Variants in OSCP1 observed in about 807,000 individuals in gnomAD.
OSCP1 encodes protein OSCP1.
OSCP1 carries 35 observed loss-of-function variants against 45.1 expected under a neutral mutation model. The ratio of observed to expected loss-of-function variants is 0.78; its 90% confidence interval spans 0.59 to 1.03. The LOEUF (loss-of-function observed/expected upper bound fraction) is 1.03, where lower values mean the gene tolerates loss of function less well. Among genes scored for constraint, OSCP1 ranks in the 50% least tolerant of loss-of-function variants. The probability of loss-of-function intolerance (pLI) is 0.00; values close to 1 mark genes in which losing one functional copy is unlikely to be tolerated. For synonymous variants in OSCP1, 179 were observed against 180.1 expected (o/e 0.99, Z 0.05); for missense variants, 400 against 470.7 (o/e 0.85, Z 1.39).
At chr1:36,449,938 A>G (rs533362261) in intron 1 of OSCP1, among the ~76,000 whole-genome samples, 1 of 144,854 alleles carries the variant, frequency 6.9e-6, no homozygotes, top group East Asian at 2.0e-4. Context: ...GATGGTGGGC[A>G]GCTGGGACTC....
At chr1:36,422,317 T>A in intron 6 of OSCP1, 98 bp from the exon 7 acceptor site, 2 of 1,120,030 alleles carry the variant, frequency 1.8e-6, no homozygotes, top group Non-Finnish European at 2.7e-6. Flanking sequence ...TCTGAGACAT[T>A]AAATAGCATC....
intron 2 of OSCP1, among the ~76,000 whole-genome samples, chr1:36,435,958 G>A (rs1470984639): frequency 6.6e-6 from 1 of 151,868 alleles, no homozygotes; most frequent in Non-Finnish European, 1.5e-5. Flanking sequence ...CCAAAGGTAA[G>A]TGGCAAGAGG....
At chr1:36,424,246 CAG>C (rs1647833756) in intron 4 of OSCP1, among the ~76,000 whole-genome samples, 1 of 152,200 alleles carries the variant, frequency 6.6e-6, no homozygotes, top group South Asian at 2.1e-4. Context: ...CGGCTACAAA[CAG>C]AACTACTTTT....
intron 1 of OSCP1, among the ~76,000 whole-genome samples, chr1:36,445,874 C>T (rs768062181): frequency 2.0e-5 from 3 of 151,768 alleles, no homozygotes; most frequent in South Asian, 2.1e-4. Flanking sequence ...GCCATCATGC[C>T]GGCTAATTTT....
intron 2 of OSCP1, among the ~76,000 whole-genome samples, chr1:36,436,084 TTTTC>T (rs1648709456): frequency 1.3e-5 from 2 of 148,532 alleles, no homozygotes; most frequent in African/African-American, 4.9e-5. Context: ...TTTTTAAAAT[TTTTC>T]TTTCTCTCTC....
intron 4 of OSCP1, among the ~76,000 whole-genome samples, chr1:36,427,606 T>C (rs912581729): frequency 1.3e-5 from 2 of 152,122 alleles, no homozygotes; most frequent in Admixed American, 1.3e-4. Context: ...CGTGAGCCAC[T>C]GCACCCAGCT....
rs1450515855 is a variant in OSCP1 at position 36,443,577 on chromosome 1, C to T, written c.113-4667G>A. On this transcript the variant is annotated intron_variant, in intron 1 of 9. Coordinates refer to ENST00000235532, the MANE Select transcript of OSCP1 (RefSeq NM_145047.5). Reference sequence around the variant, plus strand: ...TGCAGTTACATGCTTCAATTTTTCTCGGTTGCTCTGTGAGCTTAGGAGAAT... The same window carrying T: ...TGCAGTTACATGCTTCAATTTTTCTTGGTTGCTCTGTGAGCTTAGGAGAAT... 3.2e-4 allele frequency among the ~76,000 whole-genome samples: 49 copies of T among 152,164 alleles called. 1 individual carries two copies. The highest frequency in any genetic ancestry group is 3.1e-3 in the Admixed American group (48 of 15,282).
chr1:36,418,182 G>A lies in OSCP1; in HGVS notation c.1097C>T (p.Thr366Ile). ...FEITEQPRLS[T>I]SKGDDLLAMM... ...GGCGAGCAAATCGTCCCCTTTGCTG[G>A]TGCTCAGCCTTGGCTGCTCCGTGAT... The change falls in exon 10 of 10, where the codon ACC becomes ATC. Residue 366 changes from threonine to isoleucine, a missense_variant. By Grantham distance (89) the Thr-to-Ile change is moderately conservative (BLOSUM62 -1). Coordinates refer to ENST00000235532, the MANE Select transcript of OSCP1 (RefSeq NM_145047.5). 6.2e-7 allele frequency: 1 copy of A among 1,614,184 alleles called. No homozygotes were observed. Among genetic ancestry groups the A allele is most frequent in the Non-Finnish European group, 8.5e-7 (1 of 1,180,040 alleles).
intron 3 of OSCP1, 131 bp downstream of exon 3, chr1:36,432,291 G>T: frequency 8.9e-7 from 1 of 1,123,368 alleles, no homozygotes. Context: ...TTGCTTTTCA[G>T]AATGTTCTGG....
intron 2 of OSCP1, among the ~76,000 whole-genome samples, chr1:36,437,297 T>G (rs1026585342): frequency 1.3e-5 from 2 of 151,344 alleles, no homozygotes; most frequent in Non-Finnish European, 2.9e-5. Flanking sequence ...ATCATTATTA[T>G]TCAGAGGTAG....
At chr1:36,441,965 C>G (rs1360695552) in intron 1 of OSCP1, among the ~76,000 whole-genome samples, 1 of 152,038 alleles carries the variant, frequency 6.6e-6, no homozygotes, top group Non-Finnish European at 1.5e-5. Flanking sequence ...CAGTGGCTCA[C>G]GCCTGTAATC....
chr1:36,432,554 T>G lies in OSCP1; in HGVS notation c.303A>C (p.Gln101His), dbSNP rs755279719. 41 of 1,614,162 alleles carry G rather than the reference T, an allele frequency of 2.5e-5. No homozygotes were observed. The highest frequency in any genetic ancestry group is 3.4e-5 in the Non-Finnish European group (40 of 1,180,032). The change falls in exon 3 of 10, where the codon CAA becomes CAC. Residue 101 changes from glutamine to histidine, a missense_variant. Transcript: ENST00000235532. Reference sequence around the variant, plus strand: ...CCTTGGGTCGGGGACACAGCAATACTTGATATTTGAAAGCCATGGTCATCA... The same window carrying G: ...CCTTGGGTCGGGGACACAGCAATACGTGATATTTGAAAGCCATGGTCATCA... ...YDLMTMAFKY[Q>H]VLLCPRPKDV... is the part of the protein sequence containing the mutation.
chr1:36,429,535 A>AT (rs200043573), intron 4 of OSCP1, among the ~76,000 whole-genome samples: 21,521 of 98,156 alleles, frequency 0.22, 3,758 homozygotes, highest in Non-Finnish European at 0.28. Context: ...GAAGCTTAGA[A>AT]TTTTTTTTTT....
In OSCP1 at chr1:36,431,908, A is replaced by G. The variant is rs753916241; in HGVS notation, c.436-26T>C. On this transcript the variant is annotated intron_variant, in intron 3 of 9. Transcript: ENST00000235532. ...CTGCCAAAGGCAAGCAGAAAGCAGCACTTCACTTTCCAAGAGGGATGAGTA... is the reference window on the plus strand; with the variant it reads ...CTGCCAAAGGCAAGCAGAAAGCAGCGCTTCACTTTCCAAGAGGGATGAGTA... 9 of 1,607,638 alleles carry G rather than the reference A, an allele frequency of 5.6e-6. No homozygotes were observed. In the South Asian group the frequency reaches 8.8e-5, roughly 16 times the overall value.
chr1:36,424,723 G>A (rs1647860857), intron 4 of OSCP1, among the ~76,000 whole-genome samples: 1 of 152,214 alleles, frequency 6.6e-6, no homozygotes, highest in Non-Finnish European at 1.5e-5. Flanking sequence ...ACTCTGTATA[G>A]AGGTTTCGGT....
intron 1 of OSCP1, among the ~76,000 whole-genome samples, chr1:36,441,301 A>G (rs550394956): frequency 1.3e-5 from 2 of 152,212 alleles, no homozygotes; most frequent in Non-Finnish European, 2.9e-5. Context: ...TTGTCTTACA[A>G]TTTGCTTCAC....
In OSCP1 at chr1:36,429,256, A is replaced by G. The variant is rs1264638200; in HGVS notation, c.516+2546T>C. Among the ~76,000 whole-genome samples the G allele has an allele frequency of 2.6e-5, 4 of 152,160 alleles. No individual in the cohort carries two copies. The East Asian group carries it at 7.7e-4, about 29-fold the overall frequency. On this transcript the variant is annotated intron_variant, in intron 4 of 9. Transcript: ENST00000235532. ...CAAAAAATTAGCCAGGCGTGGTGGC[A>G]TGCTCCTGTAGTCCCAGTTACTCGA...
At chr1:36,443,289 C>T (rs984458041) in intron 1 of OSCP1, among the ~76,000 whole-genome samples, 4 of 152,108 alleles carry the variant, frequency 2.6e-5, no homozygotes, top group South Asian at 4.1e-4. Flanking sequence ...AGGTTGTCTT[C>T]CCAGCATACT....
chr1:36,439,071 C>T (rs927964906), intron 1 of OSCP1, 161 bp from the exon 2 acceptor site: 27 of 625,506 alleles, frequency 4.3e-5, no homozygotes, highest in African/African-American at 2.8e-4. Context: ...ACAGGTGTCC[C>T]GGTAGAAAGC....
Sources: gnomAD v4.1 joint callset for allele counts (sites outside exome capture counted in the v4.1 genomes callset) on GRCh38, gnomAD v4.1.1 for gene constraint, MANE v1.5 for transcripts, NCBI Gene and HGNC (gene_info 2026-07-23, HGNC 2026-07-21) for gene names.